Variants in SPIRE1 observed in about 807,000 individuals in gnomAD.
SPIRE1 encodes the protein protein spire homolog 1.
Under a neutral mutation model 94.1 loss-of-function variants are expected in SPIRE1, and 40 were observed. That is an observed-to-expected ratio of 0.43 (90% CI 0.33 to 0.55). SPIRE1 has a LOEUF of 0.55. Among genes scored for constraint, SPIRE1 ranks in the 20% least tolerant of loss-of-function variants. The probability of loss-of-function intolerance (pLI) is 0.06; values close to 1 mark genes in which losing one functional copy is unlikely to be tolerated. For missense variants in SPIRE1, 838 were observed against 975.2 expected (o/e 0.86, Z 1.87); for synonymous variants, 376 against 371.7 (o/e 1.01, Z -0.13).
chr18:12,481,929 C>T (rs1376714644), intron 9 of SPIRE1, among the ~76,000 whole-genome samples: 1 of 152,132 alleles, frequency 6.6e-6, no homozygotes, highest in Non-Finnish European at 1.5e-5. Flanking sequence ...AACGCACACA[C>T]CTTCCACCTT....
chr18:12,610,573 C>CT (rs1371076245), intron 2 of SPIRE1, among the ~76,000 whole-genome samples: 1 of 152,018 alleles, frequency 6.6e-6, no homozygotes, highest in African/African-American at 2.4e-5. Context: ...TTAAATCTAC[C>CT]TCTTCACTGC....
intron 10 of SPIRE1, among the ~76,000 whole-genome samples, chr18:12,478,582 G>GTGTA (rs1200755827): frequency 6.8e-6 from 1 of 146,180 alleles, no homozygotes; most frequent in Non-Finnish European, 1.5e-5. Flanking sequence ...AAGCTAGGGT[G>GTGTA]TGTATGTATG....
At chr18:12,492,531 T>C (rs1248712389) in intron 8 of SPIRE1, among the ~76,000 whole-genome samples, 2 of 152,174 alleles carry the variant, frequency 1.3e-5, no homozygotes, top group Admixed American at 1.3e-4. Flanking sequence ...TTTCATGACA[T>C]AATATTACGG....
chr18:12,611,463 C>T (rs1327580266), intron 2 of SPIRE1, among the ~76,000 whole-genome samples: 1 of 152,230 alleles, frequency 6.6e-6, no homozygotes, highest in African/African-American at 2.4e-5. Context: ...CTCCTGCCAA[C>T]AGCCAGATGA....
intron 4 of SPIRE1, among the ~76,000 whole-genome samples, chr18:12,529,266 GGCTGAA>G (rs1342047562): frequency 1.3e-5 from 2 of 152,102 alleles, no homozygotes; most frequent in East Asian, 3.9e-4. Context: ...CTACTCTGGA[GGCTGAA>G]GCAGGAGAAT....
chr18:12,480,938 G>C (rs1382277689), intron 9 of SPIRE1, among the ~76,000 whole-genome samples: 1 of 152,222 alleles, frequency 6.6e-6, no homozygotes, highest in Admixed American at 6.5e-5. Flanking sequence ...CTGTGAGGCT[G>C]CCGTAGATGG....
intron 10 of SPIRE1, among the ~76,000 whole-genome samples, chr18:12,465,902 G>A (rs1402164132): frequency 1.3e-5 from 2 of 151,990 alleles, no homozygotes; most frequent in Non-Finnish European, 2.9e-5. Flanking sequence ...TGGCCAGCAT[G>A]GTGAAACCTC....
intron 14 of SPIRE1, 39 bp from the exon 15 acceptor site, chr18:12,452,551 A>C: frequency 1.2e-6 from 2 of 1,611,114 alleles, no homozygotes; most frequent in South Asian, 1.1e-5. Flanking sequence ...GCATGATACC[A>C]GGGGACGCAA....
chr18:12,519,462 G>A (rs1472306398), intron 4 of SPIRE1, among the ~76,000 whole-genome samples: 2 of 152,054 alleles, frequency 1.3e-5, no homozygotes, highest in Admixed American at 6.6e-5. Flanking sequence ...TACATAGCTG[G>A]ACTGACATTA....
chr18:12,594,232 C>T (rs955540536), intron 2 of SPIRE1, among the ~76,000 whole-genome samples: 2 of 152,024 alleles, frequency 1.3e-5, no homozygotes, highest in African/African-American at 4.8e-5. Context: ...TGGATCAATA[C>T]CACCAAAGTA....
intron 2 of SPIRE1, among the ~76,000 whole-genome samples, chr18:12,585,240 C>T (rs766857672): frequency 7.2e-5 from 11 of 152,132 alleles, no homozygotes; most frequent in Non-Finnish European, 7.3e-5. Context: ...GTTTGTGTGA[C>T]ATACAGAATA....
chr18:12,626,273 A>T (rs1028563819), intron 2 of SPIRE1, among the ~76,000 whole-genome samples: 5 of 152,168 alleles, frequency 3.3e-5, no homozygotes, highest in Non-Finnish European at 7.3e-5. Context: ...AACTGTACAT[A>T]ACCAGATCGA....
At chr18:12,661,957 ATTTTG>A (rs1408030477), upstream of SPIRE1, 1 of 258,492 alleles carries the variant, frequency 3.9e-6, no homozygotes, top group Non-Finnish European at 7.9e-6. Context: ...TCTGAATATG[ATTTTG>A]TTTTGTTGAT....
In SPIRE1 at chr18:12,449,375, T is replaced by C; in HGVS notation, c.*263A>G. On this transcript the variant is annotated 3_prime_UTR_variant, in exon 17 of 17. Transcript: ENST00000409402. Reference sequence around the variant, plus strand: ...CTGAACTAAGGAAGTAGCTACTGGCTTCCAAAGCCACACACACACAAAAGT... The same window carrying C: ...CTGAACTAAGGAAGTAGCTACTGGCCTCCAAAGCCACACACACACAAAAGT... 1 of 475,816 alleles carries C rather than the reference T, an allele frequency of 2.1e-6. No individual in the cohort carries two copies. Among genetic ancestry groups the C allele is most frequent in the Middle Eastern group, 5.8e-4 (1 of 1,714 alleles). The allele number at this position is 475,816 out of a possible 1,614,324, so 29.5% of individuals were successfully genotyped here. A position where few individuals can be genotyped will look rare whatever the true frequency, so the allele number is the denominator to read the frequency against.
intron 2 of SPIRE1, among the ~76,000 whole-genome samples, chr18:12,589,332 G>T (rs1163997875): frequency 6.6e-6 from 1 of 152,096 alleles, no homozygotes; most frequent in Non-Finnish European, 1.5e-5. Flanking sequence ...AAAGGCAACA[G>T]AGCTAAAGAC....
At chr18:12,645,574 A>G (rs1245119048) in intron 1 of SPIRE1, among the ~76,000 whole-genome samples, 2 of 152,064 alleles carry the variant, frequency 1.3e-5, no homozygotes, top group Non-Finnish European at 2.9e-5. Context: ...TCAGACCTCC[A>G]TCATCTCCTG....
chr18:12,485,031 C>T (rs898558131), intron 9 of SPIRE1, among the ~76,000 whole-genome samples: 8 of 151,792 alleles, frequency 5.3e-5, no homozygotes, highest in African/African-American at 1.9e-4. Flanking sequence ...AGGGTCTAAA[C>T]TTGTACTACA....
intron 3 of SPIRE1, among the ~76,000 whole-genome samples, chr18:12,545,111 C>A (rs1400652573): frequency 6.6e-6 from 1 of 152,188 alleles, no homozygotes; most frequent in Admixed American, 6.5e-5. Context: ...ACAGAACAAG[C>A]TGGTCATTTG....
At position 12,449,575 on chromosome 18, in the gene SPIRE1, G is replaced by A. The variant is rs1303631157; in HGVS notation, c.*63C>T. 1.2e-5 allele frequency: 18 copies of A among 1,532,694 alleles called. No individual in the cohort carries two copies. Among genetic ancestry groups the A allele is most frequent in the South Asian group, 6.2e-5 (5 of 81,010 alleles). 94.9% of individuals were successfully genotyped at this position (1,532,694 alleles called of 1,614,324 possible). On this transcript the variant is annotated 3_prime_UTR_variant, in exon 17 of 17. Transcript: ENST00000409402. ...AAACCACAGAAAGGAGAGCCAGCCCGGCTCAGTGTCCTCGCGCACGGACGC... is the reference window on the plus strand; with the variant it reads ...AAACCACAGAAAGGAGAGCCAGCCCAGCTCAGTGTCCTCGCGCACGGACGC...
Sources: gnomAD v4.1 joint callset for allele counts (sites outside exome capture counted in the v4.1 genomes callset) on GRCh38, gnomAD v4.1.1 for gene constraint, MANE v1.5 for transcripts, NCBI Gene and HGNC (gene_info 2026-07-23, HGNC 2026-07-21) for gene names.